WDR19: variants seen among roughly 807,000 people sequenced by gnomAD.
WDR19 encodes WD repeat-containing protein 19.
WDR19 carries 121 observed loss-of-function variants against 180.0 expected under a neutral mutation model. That is an observed-to-expected ratio of 0.67 (90% CI 0.58 to 0.78). WDR19 has a LOEUF of 0.78. Ranked by LOEUF, WDR19 falls within the 30% of genes least tolerant of loss-of-function variation. WDR19 has a pLI of 0.00. For synonymous variants in WDR19, 497 were observed against 540.7 expected (o/e 0.92, Z 1.12); for missense variants, 1,450 against 1,640.7 (o/e 0.88, Z 2.01).
chr4:39,240,300 C>T lies in WDR19; in HGVS notation c.2387C>T (p.Ala796Val). 1 of 1,412,686 alleles carries T rather than the reference C, an allele frequency of 7.1e-7. No individual in the cohort carries two copies. The highest frequency in any genetic ancestry group is 9.3e-7 in the Non-Finnish European group (1 of 1,078,518). The allele number at this position is 1,412,686 out of a possible 1,614,324, so 87.5% of individuals were successfully genotyped here. Residue 796 changes from alanine to valine, a missense_variant, in exon 21 of 37, where the codon GCT becomes GTT. Physicochemically the swap from Ala to Val is moderately conservative, Grantham distance 64 (BLOSUM62 0). Transcript: ENST00000399820. ...AGGGGTGATTATGTAAATGCTTTGGCTCATTATGAGAAAGGAATAACAGGT... is the reference window on the plus strand; with the variant it reads ...AGGGGTGATTATGTAAATGCTTTGGTTCATTATGAGAAAGGAATAACAGGT... ...EFAGDYVNALAHYEKGITGDN... is the reference protein window; with the variant it reads ...EFAGDYVNALVHYEKGITGDN...
chr4:39,224,412 G>A (rs769699089), intron 14 of WDR19, among the ~76,000 whole-genome samples: 2 of 151,102 alleles, frequency 1.3e-5, no homozygotes, highest in South Asian at 2.1e-4. Flanking sequence ...TCAGAGTCTC[G>A]CTGTATTGCC....
intron 28 of WDR19, among the ~76,000 whole-genome samples, chr4:39,262,068 G>T (rs1036696696): frequency 6.6e-6 from 1 of 152,092 alleles, no homozygotes; most frequent in Non-Finnish European, 1.5e-5. Flanking sequence ...ATACCTGGAA[G>T]TGAACCAGTC....
intron 21 of WDR19, among the ~76,000 whole-genome samples, chr4:39,243,440 T>C (rs1033003400): frequency 3.3e-5 from 5 of 152,216 alleles, no homozygotes; most frequent in African/African-American, 9.6e-5. Flanking sequence ...GCCAATTGTA[T>C]TTTGTTTCCA....
intron 20 of WDR19, among the ~76,000 whole-genome samples, chr4:39,238,599 C>A (rs1181725582): frequency 6.6e-6 from 1 of 152,196 alleles, no homozygotes; most frequent in African/African-American, 2.4e-5. Flanking sequence ...CAGGTCCATA[C>A]TGGTAATTTC....
At chr4:39,196,261 C>T (rs570158160) in intron 5 of WDR19, among the ~76,000 whole-genome samples, 4 of 152,284 alleles carry the variant, frequency 2.6e-5, no homozygotes, top group Admixed American at 2.0e-4. Context: ...GAAATACTGT[C>T]TATATCCTGA....
chr4:39,231,901 G>T lies in WDR19; in HGVS notation c.2087G>T (p.Arg696Leu). Reference protein sequence around the residue: ...LHHMEVEFAIRVYRRIGNVGI... With the variant: ...LHHMEVEFAILVYRRIGNVGI... ...CACATGGAAGTGGAGTTTGCAATCCGTGTTTATCGGAGAATTGGAAATGTT... is the reference window on the plus strand; with the variant it reads ...CACATGGAAGTGGAGTTTGCAATCCTTGTTTATCGGAGAATTGGAAATGTT... Residue 696 changes from arginine to leucine, a missense_variant, in exon 18 of 37, where the codon CGT becomes CTT. Physicochemically the swap from Arg to Leu is moderately radical, Grantham distance 102. Coordinates refer to ENST00000399820, the MANE Select transcript of WDR19 (RefSeq NM_025132.4). The T allele has an allele frequency of 6.2e-7, 1 of 1,613,650 alleles. No homozygotes were observed. The highest frequency in any genetic ancestry group is 8.5e-7 in the Non-Finnish European group (1 of 1,179,636).
At chr4:39,263,256 T>A (rs1031470953) in intron 28 of WDR19, among the ~76,000 whole-genome samples, 1 of 152,148 alleles carries the variant, frequency 6.6e-6, no homozygotes, top group African/African-American at 2.4e-5. Flanking sequence ...CCCCACTCCA[T>A]GAACTTGCTT....
At chr4:39,183,249 G>GTTTTTTTTTTT (rs1345010491) in intron 1 of WDR19, among the ~76,000 whole-genome samples, 27 of 22,730 alleles carry the variant, frequency 1.2e-3, no homozygotes, top group Non-Finnish European at 2.0e-3. Context: ...GAAATGGAAG[G>GTTTTTTTTTTT]CTTTTTTTTT....
intron 15 of WDR19, 75 bp from the exon 16 acceptor site, chr4:39,228,135 A>G (rs1482961364): frequency 6.5e-7 from 1 of 1,548,374 alleles, no homozygotes; most frequent in East Asian, 2.3e-5. Context: ...TAAGGCTGCA[A>G]ACAGGCTTCT....
intron 24 of WDR19, among the ~76,000 whole-genome samples, chr4:39,251,744 A>G (rs1733215276): frequency 2.0e-5 from 3 of 152,066 alleles, no homozygotes; most frequent in Admixed American, 1.3e-4. Flanking sequence ...GCAGCCAAAA[A>G]ACACATGAAA....
intron 28 of WDR19, among the ~76,000 whole-genome samples, chr4:39,259,331 C>T (rs925981173): frequency 6.6e-6 from 1 of 152,128 alleles, no homozygotes; most frequent in Non-Finnish European, 1.5e-5. Flanking sequence ...ATGAAATTAC[C>T]ATGTGGTATG....
rs75842150 is a variant in WDR19 at position 39,267,701 on chromosome 4, C to A, written c.3262-294C>A. On this transcript the variant is annotated intron_variant, in intron 29 of 36. Transcript: ENST00000399820. The stretch of plus-strand genomic sequence containing the variant: ...GGTTCAAATCCTGACTGGCCCCCTC[C>A]TGTTGTTTCAGCTTCTTATCTGTGA... Among the ~76,000 whole-genome samples, 468 of 152,290 alleles carry A rather than the reference C, an allele frequency of 3.1e-3. 3 individuals carry two copies. Among genetic ancestry groups the A allele is most frequent in the African/African-American group, 0.011 (447 of 41,562 alleles).
chr4:39,185,916 A>G (rs1725479696), intron 2 of WDR19, 99 bp downstream of exon 2: 2 of 983,114 alleles, frequency 2.0e-6, no homozygotes, highest in East Asian at 2.7e-5. Context: ...TTTTTTTTTA[A>G]ATGGAGTCTA....
chr4:39,276,888 C>A, intron 33 of WDR19, 132 bp from the exon 34 acceptor site: 1 of 1,122,118 alleles, frequency 8.9e-7, no homozygotes, highest in East Asian at 2.4e-5. Context: ...TTGTAAGTAT[C>A]TCTCTAAGCC....
At position 39,182,539 on chromosome 4, in the gene WDR19, T is replaced by A. The variant is rs1318712617; in HGVS notation, c.-19T>A. On this transcript the variant is annotated 5_prime_UTR_variant, in exon 1 of 37. Transcript: ENST00000399820. ...GCGCCTGCGTACTTCATAGTTCGCGTAGCGGCTCGAGCGTGGAGATGAAGG... is the reference window on the plus strand; with the variant it reads ...GCGCCTGCGTACTTCATAGTTCGCGAAGCGGCTCGAGCGTGGAGATGAAGG... The A allele has an allele frequency of 6.2e-7, 1 of 1,613,708 alleles. No homozygotes were observed. The highest frequency in any genetic ancestry group is 1.7e-5 in the Admixed American group (1 of 60,016).
intron 29 of WDR19, 134 bp downstream of exon 29, chr4:39,266,274 C>T: frequency 1.7e-6 from 1 of 598,244 alleles, no homozygotes; most frequent in Non-Finnish European, 2.7e-6. Context: ...ATCATCTAGA[C>T]CAGGAGCGTC....
At chr4:39,275,986 AAGT>A (rs963366147) in intron 33 of WDR19, among the ~76,000 whole-genome samples, 14 of 152,222 alleles carry the variant, frequency 9.2e-5, no homozygotes, top group African/African-American at 3.4e-4. Context: ...AACTAGGAAA[AAGT>A]AGCCCTTGCA....
chr4:39,216,512 C>T (rs1044872480), intron 12 of WDR19, among the ~76,000 whole-genome samples: 4 of 152,202 alleles, frequency 2.6e-5, no homozygotes, highest in African/African-American at 9.7e-5. Context: ...ATAGACAAAT[C>T]ATTTTACACT....
At chr4:39,215,534 G>C (rs1377391485) in intron 10 of WDR19, among the ~76,000 whole-genome samples, 1 of 152,046 alleles carries the variant, frequency 6.6e-6, no homozygotes. Flanking sequence ...ATCTAGGTTT[G>C]TGTAAGTACA....
Sources: gnomAD v4.1 joint callset for allele counts (sites outside exome capture counted in the v4.1 genomes callset) on GRCh38, gnomAD v4.1.1 for gene constraint, MANE v1.5 for transcripts, NCBI Gene and HGNC (gene_info 2026-07-23, HGNC 2026-07-21) for gene names.